The following EPHA8 variants were observed in gnomAD, a reference collection of about 807,000 sequenced individuals.
EPHA8 encodes the protein EPH receptor A8.
EPHA8 carries 58 observed loss-of-function variants against 103.6 expected under a neutral mutation model. The observed-to-expected ratio is 0.56, with a 90% CI of 0.45 to 0.70. The LOEUF (loss-of-function observed/expected upper bound fraction) is 0.70. Among genes scored for constraint, EPHA8 ranks in the 30% least tolerant of loss-of-function variants. The pLI is 0.00. For missense variants in EPHA8, 1,304 were observed against 1,395.2 expected, an observed-to-expected ratio of 0.93 and a Z score of 1.04; for synonymous variants, 559 against 572.5, an observed-to-expected ratio of 0.98 and a Z score of 0.34.
intron 3 of EPHA8, 145 bp downstream of exon 3, chr1:22,577,025 G>A (rs1008231195): frequency 3.0e-6 from 3 of 1,008,010 alleles, no homozygotes; most frequent in Non-Finnish European, 4.2e-6. Flanking sequence ...AACCTCCAGT[G>A]TTCCTACATC....
chr1:22,578,286 G>T (rs940462578), intron 3 of EPHA8, among the ~76,000 whole-genome samples: 1 of 150,404 alleles, frequency 6.6e-6, no homozygotes, highest in Non-Finnish European at 1.5e-5. Context: ...GCATGTGTAC[G>T]TGTGCATGAG....
chr1:22,578,018 TGTAC>T, intron 3 of EPHA8, among the ~76,000 whole-genome samples: 1 of 99,072 alleles, frequency 1.0e-5, no homozygotes, highest in East Asian at 3.0e-4. Context: ...CATGTGTATG[TGTAC>T]ATGTGTGCAT....
rs185313980 is a variant in EPHA8, at chr1:22,567,906, G to A, written c.95-1383G>A. On this transcript the variant is annotated intron_variant, in intron 1 of 16. Transcript: ENST00000166244. This position sits in a 1 kb window ranked among gnomAD's most constrained non-coding sequence, Gnocchi z 4.2. ...AAAGGGAAAGCTGTGGGACTCTGGA[G>A]CCAAAAGCCCTCTCATACAGCAATC... Among the ~76,000 whole-genome samples the A allele has an allele frequency of 1.3e-3, 202 of 152,292 alleles. No individual in the cohort carries two copies. Among genetic ancestry groups the A allele is most frequent in the Non-Finnish European group, 1.2e-3 (83 of 68,034 alleles).
Position 22,600,898 on chromosome 1 carries a change from G to A in EPHA8, c.2539G>A (p.Val847Ile). The stretch of plus-strand genomic sequence containing the variant: ...TGAGCCCAGCGCTGATCCCCTGCAG[G>A]TCATCAGCTCTGTGGAGGAGGGGTA... Reference protein sequence around the residue: ...RPYWNMTNRDVISSVEEGYRL... With the variant: ...RPYWNMTNRDIISSVEEGYRL... The change falls in exon 15 of 17, where the codon GTC becomes ATC. Residue 847 changes from valine (V) to isoleucine (I), a missense_variant and splice_region_variant. Coordinates refer to ENST00000166244, the MANE Select transcript of EPHA8 (RefSeq NM_020526.5). The A allele has an allele frequency of 6.2e-7, 1 of 1,603,666 alleles. No individual in the cohort carries two copies. The highest frequency in any genetic ancestry group is 8.5e-7 in the Non-Finnish European group (1 of 1,174,392).
At chr1:22,580,226 G>A (rs1054697087) in intron 3 of EPHA8, among the ~76,000 whole-genome samples, 1 of 135,966 alleles carries the variant, frequency 7.4e-6, no homozygotes, top group Non-Finnish European at 1.5e-5. Context: ...TGCAACCTCC[G>A]CCTCCCGGTT....
rs1479858305 is a variant in EPHA8 at position 22,578,217 on chromosome 1, TGA to T, written c.823+1339_823+1340del. On this transcript the variant is annotated intron_variant, in intron 3 of 16. Coordinates refer to ENST00000166244, the MANE Select transcript of EPHA8 (RefSeq NM_020526.5). ...GTGTGTGCGTGCGAGTGTGTGCGTGTGAGTGTGCATGTGTGTATGTGTGCATG... is the reference window on the plus strand; with the variant it reads ...GTGTGTGCGTGCGAGTGTGTGCGTGTGTGTGCATGTGTGTATGTGTGCATG... Among the ~76,000 whole-genome samples, 1,043 of 121,312 alleles carry T rather than the reference TGA, an allele frequency of 8.6e-3. 9 individuals carry two copies. Among genetic ancestry groups the T allele is most frequent in the African/African-American group, 0.028 (976 of 35,000 alleles). 79.6% of individuals were successfully genotyped at this position (121,312 alleles called of 152,430 possible). A position where few individuals can be genotyped will look rare whatever the true frequency, so the allele number is the denominator to read the frequency against.
rs149084883 is a variant in EPHA8, at chr1:22,593,657, A to G, written c.1574A>G (p.Gln525Arg). 1.8e-3 allele frequency: 2,937 copies of G among 1,603,176 alleles called. 3 individuals are homozygous for G. The highest frequency in any genetic ancestry group is 2.3e-3 in the Non-Finnish European group (2,676 of 1,175,156). ...TCAGCAGGCTGTGGCCGCTTCAGCCAGGCCATGGAGGTGGAGACCGGGAAA... is the reference window on the plus strand; with the variant it reads ...TCAGCAGGCTGTGGCCGCTTCAGCCGGGCCATGGAGGTGGAGACCGGGAAA... ...RTSAGCGRFS[Q>R]AMEVETGKPR... Residue 525 changes from glutamine (Q) to arginine (R), a missense_variant, in exon 7 of 17, where the codon CAG becomes CGG. By Grantham distance (43) the Gln-to-Arg change is conservative. Transcript: ENST00000166244.
chr1:22,599,046 C>T lies in EPHA8; in HGVS notation c.2387C>T (p.Thr796Met), dbSNP rs774731033. The T allele has an allele frequency of 1.5e-5, 24 of 1,595,918 alleles. No homozygotes were observed. Among genetic ancestry groups the T allele is most frequent in the Middle Eastern group, 3.3e-4 (2 of 6,050 alleles). Residue 796 changes from threonine to methionine, a missense_variant and splice_region_variant, in exon 13 of 17, where the codon ACG becomes ATG. Physicochemically the swap from Thr to Met is moderately conservative, Grantham distance 81. Transcript: ENST00000166244. ...EDDPDAAYTT[T>M]GGKIPIRWTA... ...GACCCGGATGCTGCCTACACCACCACGGTGCGTCGCCCACACTCCTTCCGG... is the reference window on the plus strand; with the variant it reads ...GACCCGGATGCTGCCTACACCACCATGGTGCGTCGCCCACACTCCTTCCGG...
chr1:22,594,928 C>T (rs767239792), intron 7 of EPHA8, among the ~76,000 whole-genome samples: 19 of 152,188 alleles, frequency 1.2e-4, no homozygotes, highest in Non-Finnish European at 2.4e-4. Context: ...ACAGGGAGGA[C>T]AGGCATTTAT....
In EPHA8 at chr1:22,576,504, G is replaced by A. The variant is rs762226443; in HGVS notation, c.447G>A (p.Ala149=). The change falls in exon 3 of 17, where the codon GCG becomes GCA. Residue 149 remains alanine (A), a synonymous_variant. Transcript: ENST00000166244. This position sits in a 1 kb window ranked among gnomAD's most constrained non-coding sequence, Gnocchi z 4.8. ...AGTTCCTCAAAATCGACACCATTGC[G>A]GCCGACGAGAGCTTCACAGGTGCCG... ...ESQFLKIDTI[A]ADESFTGADL... 2.4e-5 allele frequency: 38 copies of A among 1,614,008 alleles called. No homozygotes were observed. Among genetic ancestry groups the A allele is most frequent in the Admixed American group, 3.3e-5 (2 of 60,010 alleles).
chr1:22,601,041 G>A lies in EPHA8; in HGVS notation c.2682G>A (p.Ala894=), dbSNP rs575121956. Residue 894 remains alanine, a synonymous_variant, in exon 15 of 17, where the codon GCG becomes GCA. Transcript: ENST00000166244. The part of the protein sequence containing the change: ...RFSQIVSVLD[A]LIRSPESLRA... ...CCCAGATTGTCAGTGTCCTCGATGC[G>A]CTCATCCGCAGCCCTGAGAGTCTCA... The A allele has an allele frequency of 3.2e-5, 51 of 1,612,284 alleles. No individual in the cohort carries two copies. The South Asian group carries it at 3.6e-4, about 11-fold the overall frequency.
At position 22,597,498 on chromosome 1, in the gene EPHA8, G is replaced by A. The variant is rs766237180; in HGVS notation, c.1930+22G>A. On this transcript the variant is annotated intron_variant, in intron 10 of 16. Coordinates refer to ENST00000166244, the MANE Select transcript of EPHA8 (RefSeq NM_020526.5). This position sits in a 1 kb window ranked among gnomAD's most constrained non-coding sequence, Gnocchi z 4.6. ...TCTGGTGAGTCTCAGGGGTTGTGAG[G>A]GCGGGGCCAGCATGGGGCAAGGTGG... 3.7e-6 allele frequency: 6 copies of A among 1,607,418 alleles called. 1 individual carries two copies. Among genetic ancestry groups the A allele is most frequent in the South Asian group, 2.2e-5 (2 of 90,404 alleles).
At chr1:22,582,401 T>C (rs984539930) in intron 3 of EPHA8, among the ~76,000 whole-genome samples, 2 of 152,208 alleles carry the variant, frequency 1.3e-5, no homozygotes, top group African/African-American at 4.8e-5. Context: ...GTTTTGCCCT[T>C]AGAGGTACCC....
In EPHA8 at chr1:22,603,365, C is replaced by T. The variant is rs542520049; in HGVS notation, c.*1624C>T. On this transcript the variant is annotated 3_prime_UTR_variant, in exon 17 of 17. Coordinates refer to ENST00000166244, the MANE Select transcript of EPHA8 (RefSeq NM_020526.5). ...GGAAGTCGGAAACATGGTCAGAACA[C>T]GATCTGGGGGGGGGATCCTGTCTTC... 8.0e-5 allele frequency: 12 copies of T among 150,214 alleles called. No homozygotes were observed. The highest frequency in any genetic ancestry group is 4.1e-4 in the Admixed American group (6 of 14,688). The allele number at this position is 150,214 out of a possible 1,614,324, so 9.3% of individuals were successfully genotyped here.
intron 1 of EPHA8, among the ~76,000 whole-genome samples, chr1:22,564,929 C>T (rs1640314833): frequency 6.6e-6 from 1 of 152,120 alleles, no homozygotes; most frequent in African/African-American, 2.4e-5. Flanking sequence ...CACATCTGCC[C>T]TTCACACACA....
intron 2 of EPHA8, among the ~76,000 whole-genome samples, chr1:22,574,069 C>T (rs1263282126): frequency 6.6e-6 from 1 of 152,240 alleles, no homozygotes; most frequent in African/African-American, 2.4e-5. Context: ...AACTCCGTCC[C>T]CCGGGTTCAC....
In EPHA8 at chr1:22,597,690, G is replaced by A; in HGVS notation, c.1945G>A (p.Val649Ile). The A allele has an allele frequency of 1.2e-6, 2 of 1,610,002 alleles. No homozygotes were observed. The highest frequency in any genetic ancestry group is 1.7e-6 in the Non-Finnish European group (2 of 1,178,254). Residue 649 changes from valine (V) to isoleucine (I), a missense_variant, in exon 11 of 17, where the codon GTC becomes ATC. Physicochemically the swap from Val to Ile is conservative, Grantham distance 29 (BLOSUM62 3). Coordinates refer to ENST00000166244, the MANE Select transcript of EPHA8 (RefSeq NM_020526.5). This position sits in a 1 kb window ranked among gnomAD's most constrained non-coding sequence, Gnocchi z 4.6. ...GGGGCCTGCAGGAGACTCCGGGGAA[G>A]TCTGCTACGGGAGGCTGCGGGTGCC... ...KIIGSGDSGE[V>I]CYGRLRVPGQ...
rs543209822 is a variant in EPHA8, at chr1:22,589,149, G to A, written c.1258G>A (p.Asp420Asn). Residue 420 changes from aspartate (D) to asparagine (N), a missense_variant, in exon 5 of 17, where the codon GAC (aspartate) becomes AAC (asparagine). Transcript: ENST00000166244. This position sits in a 1 kb window ranked among gnomAD's most constrained non-coding sequence, Gnocchi z 4.3. ...FWIEAVNGVS[D>N]LSPEPRRAAV... ...GATCGAGGCCGTCAATGGCGTGTCCGACCTGAGCCCCGAGCCCCGCCGGGC... is the reference window on the plus strand; with the variant it reads ...GATCGAGGCCGTCAATGGCGTGTCCAACCTGAGCCCCGAGCCCCGCCGGGC... 26 of 1,613,876 alleles carry A rather than the reference G, an allele frequency of 1.6e-5. No individual in the cohort carries two copies. In the East Asian group the frequency reaches 3.3e-4, roughly 21 times the overall value.
chr1:22,575,901 G>T (rs796950692), intron 2 of EPHA8, among the ~76,000 whole-genome samples: 10 of 152,268 alleles, frequency 6.6e-5, no homozygotes, highest in African/African-American at 2.4e-4. Flanking sequence ...ACAGAGAAAT[G>T]AGGGCAGAGC....
Sources: allele counts gnomAD v4.1 joint callset (sites outside exome capture counted in the v4.1 genomes callset), GRCh38; gene constraint gnomAD v4.1.1; non-coding constraint Gnocchi (gnomAD v3.1); transcripts MANE v1.5; gene names NCBI Gene and HGNC (gene_info 2026-07-23, HGNC 2026-07-21).